The following RAD54L2 variants were observed in gnomAD, a reference collection of about 807,000 sequenced individuals.
RAD54L2 encodes helicase ARIP4.
Under a neutral mutation model 138.4 loss-of-function variants are expected in RAD54L2, and 27 were observed. That is an observed-to-expected ratio of 0.20 (90% CI 0.14 to 0.27). The LOEUF is 0.27. RAD54L2 is among the 10% of genes least tolerant of loss of function. The pLI, the probability that RAD54L2 is intolerant of heterozygous loss-of-function variation, is 1.00. For synonymous variants in RAD54L2, 644 were observed against 723.2 expected (o/e 0.89, Z 1.76); for missense variants, 1,396 against 1,890.2 (o/e 0.74, Z 4.85).
chr3:51,649,200 A>G (rs1015273466), intron 19 of RAD54L2, among the ~76,000 whole-genome samples: 2 of 152,050 alleles, frequency 1.3e-5, no homozygotes, highest in African/African-American at 4.8e-5. Flanking sequence ...AAGAAAGTGT[A>G]TCAGTGATTG....
chr3:51,638,234 T>C lies in RAD54L2; in HGVS notation c.1773T>C (p.Tyr591=), dbSNP rs2106812151. The change falls in exon 12 of 23, where the codon TAT becomes TAC. Residue 591 remains tyrosine (Y), a synonymous_variant. Transcript: ENST00000684192. The surrounding 1 kb of genome is among the most constrained non-coding windows in gnomAD (Gnocchi z 4.3). ...TCTCCAAGATCCAGCGAGATTTGTATACACAGTTCATGGATCGCTTCCGGG... is the reference window on the plus strand; with the variant it reads ...TCTCCAAGATCCAGCGAGATTTGTACACACAGTTCATGGATCGCTTCCGGG... ...VRLSKIQRDL[Y]TQFMDRFRDC... 3.1e-6 allele frequency: 5 copies of C among 1,614,054 alleles called. No individual in the cohort carries two copies. Among genetic ancestry groups the C allele is most frequent in the Non-Finnish European group, 4.2e-6 (5 of 1,179,896 alleles).
chr3:51,545,095 A>C (rs1317510559), intron 2 of RAD54L2, among the ~76,000 whole-genome samples: 2 of 152,192 alleles, frequency 1.3e-5, no homozygotes, highest in African/African-American at 4.8e-5. Context: ...ATACTGTACT[A>C]ATTCTGAAGT....
At chr3:51,550,611 C>T (rs866312408) in intron 2 of RAD54L2, among the ~76,000 whole-genome samples, 1 of 152,102 alleles carries the variant, frequency 6.6e-6, no homozygotes, top group East Asian at 1.9e-4. Context: ...TGTGGTGGTG[C>T]GCCCCTGTTT....
intron 19 of RAD54L2, among the ~76,000 whole-genome samples, chr3:51,649,011 A>G (rs1701358831): frequency 6.6e-6 from 1 of 152,096 alleles, no homozygotes; most frequent in Non-Finnish European, 1.5e-5. Context: ...TCTCCAAGCT[A>G]AAAGAGGATG....
chr3:51,547,897 T>C (rs1408530512), intron 2 of RAD54L2, among the ~76,000 whole-genome samples: 2 of 152,112 alleles, frequency 1.3e-5, no homozygotes, highest in African/African-American at 4.8e-5. Flanking sequence ...TTCTTTCTTT[T>C]TTTTTGTTTT....
Position 51,630,987 on chromosome 3 carries a change from A to G in RAD54L2, c.825+56A>G, listed in dbSNP as rs1700825503. On this transcript the variant is annotated intron_variant, in intron 7 of 22. Transcript: ENST00000684192. ...TCCTTTTTGTTTCCTTGTTGTGAAC[A>G]TTGCCTGCTGGTGGTTATTAGCGTC... 3 of 1,507,836 alleles carry G rather than the reference A, an allele frequency of 2.0e-6. No individual in the cohort carries two copies. The Admixed American group carries it at 5.1e-5, about 26-fold the overall frequency. The allele number at this position is 1,507,836 out of a possible 1,614,324, so 93.4% of individuals were successfully genotyped here.
chr3:51,619,206 C>T (rs1349265351), intron 3 of RAD54L2, among the ~76,000 whole-genome samples: 5 of 152,196 alleles, frequency 3.3e-5, no homozygotes, highest in South Asian at 4.2e-4. Flanking sequence ...TATAGGCACC[C>T]GCCACCACGC....
In RAD54L2 at chr3:51,565,752, C is replaced by T. The variant is rs1174014992; in HGVS notation, c.-55+24102C>T. Among the ~76,000 whole-genome samples, 7 of 151,832 alleles carry T rather than the reference C, an allele frequency of 4.6e-5. No homozygotes were observed. In the East Asian group the frequency reaches 1.2e-3, roughly 25 times the overall value. On this transcript the variant is annotated intron_variant, in intron 2 of 22. Coordinates refer to ENST00000684192, the MANE Select transcript of RAD54L2 (RefSeq NM_015106.4). Reference sequence around the variant, plus strand: ...CCTGCCAAAGTGCTGGGATTACAGGCGTGAGCCACTGTGTTCAGACTAAAA... The same window carrying T: ...CCTGCCAAAGTGCTGGGATTACAGGTGTGAGCCACTGTGTTCAGACTAAAA...
At chr3:51,634,096 T>C (rs1183563683) in intron 9 of RAD54L2, 61 bp downstream of exon 9, 1 of 1,563,486 alleles carries the variant, frequency 6.4e-7, no homozygotes, top group Non-Finnish European at 8.7e-7. Context: ...CGTGATCTGA[T>C]GTTAAGGCAG....
chr3:51,643,756 A>C, intron 15 of RAD54L2, 119 bp from the exon 16 acceptor site: 1 of 781,002 alleles, frequency 1.3e-6, no homozygotes, highest in East Asian at 2.7e-5. Flanking sequence ...CCAAGGGGTG[A>C]GATCTGAGCA....
At position 51,630,763 on chromosome 3, in the gene RAD54L2, A is replaced by C. The variant is rs776594822; in HGVS notation, c.657A>C (p.Glu219Asp). Residue 219 changes from glutamate (E) to aspartate (D), a missense_variant, in exon 7 of 23, where the codon GAA becomes GAC. This residue lies in a region of RAD54L2 where 256 missense variants were observed against 344.6 expected (regional missense o/e 0.74). Coordinates refer to ENST00000684192, the MANE Select transcript of RAD54L2 (RefSeq NM_015106.4). Reference protein sequence around the residue: ...EDTLHIVDSSESVSEDDEEEE... With the variant: ...EDTLHIVDSSDSVSEDDEEEE... ...CTCTGCACATTGTGGACAGCAGTGA[A>C]TCTGTCAGTGAAGATGATGAGGAAG... 16 of 1,614,010 alleles carry C rather than the reference A, an allele frequency of 9.9e-6. No homozygotes were observed. The highest frequency in any genetic ancestry group is 1.3e-5 in the Non-Finnish European group (15 of 1,179,878).
chr3:51,595,867 A>C lies in RAD54L2; in HGVS notation c.139+5308A>C, dbSNP rs550974148. Among the ~76,000 whole-genome samples the C allele has an allele frequency of 4.0e-5, 6 of 151,640 alleles. No homozygotes were observed. The South Asian group carries it at 1.3e-3, about 32-fold the overall frequency. The stretch of plus-strand genomic sequence containing the variant: ...CTGTTGTTATTAAAGGTAGGGGTTC[A>C]AAATGTGATACCTCTGGGATTGGCT... On this transcript the variant is annotated intron_variant, in intron 3 of 22. Transcript: ENST00000684192.
chr3:51,595,700 G>A (rs1024744015), intron 3 of RAD54L2, among the ~76,000 whole-genome samples: 3 of 152,146 alleles, frequency 2.0e-5, no homozygotes, highest in African/African-American at 7.2e-5. Context: ...TTTATAACAT[G>A]TTAAAGGACC....
intron 3 of RAD54L2, among the ~76,000 whole-genome samples, chr3:51,626,881 C>T (rs553075126): frequency 2.6e-5 from 4 of 152,210 alleles, no homozygotes; most frequent in Non-Finnish European, 4.4e-5. Flanking sequence ...ATGTCTTCAA[C>T]CTTAAAGTTC....
At chr3:51,541,019 C>G (rs560771241) in intron 1 of RAD54L2, 1 of 129,220 alleles carries the variant, frequency 7.7e-6, no homozygotes, top group Admixed American at 9.9e-5. Context: ...CCAGCCTCAG[C>G]GACAAAGCGA....
At chr3:51,624,422 T>A (rs567152834) in intron 3 of RAD54L2, among the ~76,000 whole-genome samples, 2 of 152,124 alleles carry the variant, frequency 1.3e-5, no homozygotes, top group Admixed American at 1.3e-4. Flanking sequence ...TTAATTTAGT[T>A]TATTTTCTTT....
chr3:51,573,657 A>G (rs969377849), intron 2 of RAD54L2, among the ~76,000 whole-genome samples: 1 of 152,082 alleles, frequency 6.6e-6, no homozygotes, highest in Non-Finnish European at 1.5e-5. Context: ...TTTAGTAGAG[A>G]TGGGGTTTTG....
intron 10 of RAD54L2, chr3:51,636,933 A>C (rs1700995548): frequency 1.8e-6 from 1 of 542,756 alleles, no homozygotes; most frequent in Non-Finnish European, 3.3e-6. Flanking sequence ...ACTCTGTCTC[A>C]AAAAAGAAAA....
At chr3:51,546,068 A>G (rs1698685308) in intron 2 of RAD54L2, among the ~76,000 whole-genome samples, 1 of 148,736 alleles carries the variant, frequency 6.7e-6, no homozygotes, top group Non-Finnish European at 1.5e-5. Context: ...CTTCCCAAGT[A>G]GCTGGGATTA....
Sources: gnomAD v4.1 joint callset for allele counts (sites outside exome capture counted in the v4.1 genomes callset) on GRCh38, gnomAD v4.1.1 for gene constraint, gnomAD v4.1.1 regional missense constraint, Gnocchi (gnomAD v3.1) non-coding constraint, MANE v1.5 for transcripts, NCBI Gene and HGNC (gene_info 2026-07-23, HGNC 2026-07-21) for gene names.